Variants in SUPT3H observed in about 807,000 individuals in gnomAD.
SUPT3H encodes the protein transcription initiation protein SPT3 homolog.
Under a neutral mutation model 44.3 loss-of-function variants are expected in SUPT3H, and 44 were observed. The observed-to-expected ratio is 0.99, with a 90% CI of 0.78 to 1.28. The LOEUF is 1.28. Among genes scored for constraint, SUPT3H ranks in the 50% most tolerant of loss-of-function variants. SUPT3H has a pLI of 0.00. For synonymous variants in SUPT3H, 124 were observed against 125.6 expected, an observed-to-expected ratio of 0.99 and a Z score of 0.09; for missense variants, 380 against 387.1, an observed-to-expected ratio of 0.98 and a Z score of 0.15.
intron 2 of SUPT3H, among the ~76,000 whole-genome samples, chr6:45,149,284 T>C (rs1410912080): frequency 6.6e-6 from 1 of 152,172 alleles, no homozygotes; most frequent in East Asian, 1.9e-4. Flanking sequence ...TGCCAACTTG[T>C]AGCTATCTAT....
At chr6:45,025,315 T>G (rs1236518929) in intron 3 of SUPT3H, among the ~76,000 whole-genome samples, 3 of 152,290 alleles carry the variant, frequency 2.0e-5, no homozygotes, top group African/African-American at 7.2e-5. Context: ...CATAATAGCT[T>G]AATTGCACTT....
chr6:45,300,199 T>C (rs1238222095), intron 2 of SUPT3H, among the ~76,000 whole-genome samples: 1 of 152,240 alleles, frequency 6.6e-6, no homozygotes, highest in Non-Finnish European at 1.5e-5. Context: ...ATTTTCTTTC[T>C]ATGCAAGTCT....
intron 2 of SUPT3H, among the ~76,000 whole-genome samples, chr6:45,342,327 T>C (rs1789961113): frequency 6.6e-6 from 1 of 152,058 alleles, no homozygotes; most frequent in Admixed American, 6.6e-5. Context: ...AGTGGCACAA[T>C]CTCAGCTCAC....
chr6:44,920,741 C>G (rs1191995548), intron 10 of SUPT3H, among the ~76,000 whole-genome samples: 1 of 152,078 alleles, frequency 6.6e-6, no homozygotes, highest in East Asian at 1.9e-4. Flanking sequence ...ATTAAAAGTC[C>G]TTCTCAAAAT....
chr6:45,149,234 A>T (rs1414989954), intron 2 of SUPT3H, among the ~76,000 whole-genome samples: 2 of 152,164 alleles, frequency 1.3e-5, no homozygotes, highest in South Asian at 2.1e-4. Context: ...GTGGAAATGA[A>T]CTGTCACTGT....
intron 6 of SUPT3H, among the ~76,000 whole-genome samples, chr6:44,972,917 C>T (rs144624882): frequency 6.6e-5 from 10 of 152,288 alleles, no homozygotes; most frequent in Non-Finnish European, 1.3e-4. Flanking sequence ...TTTCCTCCTA[C>T]GCCTCTGGGC....
intron 2 of SUPT3H, among the ~76,000 whole-genome samples, chr6:45,141,555 C>T (rs903194266): frequency 7.3e-5 from 11 of 151,244 alleles, no homozygotes; most frequent in African/African-American, 2.4e-4. Context: ...TAGAGAAACA[C>T]AAAATCTACT....
At chr6:45,261,271 A>G (rs990301075) in intron 2 of SUPT3H, among the ~76,000 whole-genome samples, 2 of 152,138 alleles carry the variant, frequency 1.3e-5, no homozygotes, top group South Asian at 4.1e-4. Context: ...CACAACAAAA[A>G]AAGAAAACTT....
intron 6 of SUPT3H, among the ~76,000 whole-genome samples, chr6:44,987,840 T>C (rs968442852): frequency 6.6e-6 from 1 of 152,072 alleles, no homozygotes; most frequent in Non-Finnish European, 1.5e-5. Flanking sequence ...ATCTGGAGAA[T>C]GAGTGAACTA....
intron 2 of SUPT3H, among the ~76,000 whole-genome samples, chr6:45,289,296 C>T (rs182728801): frequency 1.3e-5 from 2 of 151,810 alleles, no homozygotes; most frequent in East Asian, 1.9e-4. Flanking sequence ...AAAAAAGAAC[C>T]GTAAGAAGAG....
rs1455155853 is a variant in SUPT3H, at chr6:45,371,744, A to G, written c.-1+6024T>C. On this transcript the variant is annotated intron_variant, in intron 1 of 10. Transcript: ENST00000371459. ...CACTCAGTTAAGAAATTCTTTGTTT[A>G]AAAGAAAATCTTAGGTAGATGGATA... 1.4e-5 allele frequency: 10 copies of G among 714,880 alleles called. No homozygotes were observed. In the South Asian group the frequency reaches 3.2e-4, roughly 23 times the overall value. 44.3% of individuals were successfully genotyped at this position (714,880 alleles called of 1,614,324 possible). A position where few individuals can be genotyped will look rare whatever the true frequency, so the allele number is the denominator to read the frequency against.
chr6:45,072,122 C>T (rs1211660563), intron 3 of SUPT3H, among the ~76,000 whole-genome samples: 2 of 152,146 alleles, frequency 1.3e-5, no homozygotes, highest in African/African-American at 2.4e-5. Context: ...ATATTATCCC[C>T]ACTTTACAAT....
At chr6:45,333,728 G>A (rs765482130) in intron 2 of SUPT3H, among the ~76,000 whole-genome samples, 101 of 151,130 alleles carry the variant, frequency 6.7e-4, no homozygotes, top group Admixed American at 2.6e-3. Flanking sequence ...GGCCTTTAAA[G>A]GCTAGTTGCT....
At chr6:45,303,008 T>C (rs986310323) in intron 2 of SUPT3H, among the ~76,000 whole-genome samples, 5 of 151,892 alleles carry the variant, frequency 3.3e-5, no homozygotes, top group Non-Finnish European at 2.9e-5. Flanking sequence ...AAACGAAACA[T>C]AAAGCGGGGA....
Position 45,253,848 on chromosome 6 carries a change from CATATATATAT to C in SUPT3H, c.101+111343_101+111352del, listed in dbSNP as rs34256293. On this transcript the variant is annotated intron_variant, in intron 2 of 10. Transcript: ENST00000371459. ...AAAAATACACACGTACACATATACG[CATATATATAT>C]ATATATATATATATACACACACACA... 3.2e-4 allele frequency among the ~76,000 whole-genome samples: 28 copies of C among 88,764 alleles called. 1 individual carries two copies. Among genetic ancestry groups the C allele is most frequent in the East Asian group, 2.4e-3 (5 of 2,124 alleles). The allele number at this position is 88,764 out of a possible 152,430, so 58.2% of individuals were successfully genotyped here. A position where few individuals can be genotyped will look rare whatever the true frequency, so the allele number is the denominator to read the frequency against.
chr6:44,910,389 G>A (rs1766823106), intron 10 of SUPT3H, among the ~76,000 whole-genome samples: 1 of 152,008 alleles, frequency 6.6e-6, no homozygotes, highest in Non-Finnish European at 1.5e-5. Flanking sequence ...TTTTATTTCA[G>A]AATTAATAAC....
chr6:45,365,196 C>T lies in SUPT3H; in HGVS notation c.101+5G>A. The T allele has an allele frequency of 6.3e-7, 1 of 1,579,532 alleles. No individual in the cohort carries two copies. The highest frequency in any genetic ancestry group is 1.1e-5 in the South Asian group (1 of 87,768). On this transcript the variant is annotated splice_donor_5th_base_variant and intron_variant, in intron 2 of 10. Coordinates refer to ENST00000371459, the MANE Select transcript of SUPT3H (RefSeq NM_003599.4). ...AATAGCAATAGCATGCAGGGACATA[C>T]TTACATCATACTCTGTAATTCTGTT... is the stretch of plus-strand genomic sequence containing the variant.
chr6:45,134,296 C>T (rs1364510086), intron 2 of SUPT3H, among the ~76,000 whole-genome samples: 2 of 152,162 alleles, frequency 1.3e-5, no homozygotes, highest in Non-Finnish European at 2.9e-5. Flanking sequence ...GGAGACAAAG[C>T]CCTCATGAAC....
Position 45,172,259 on chromosome 6 carries a change from G to T in SUPT3H, c.102-66253C>A, listed in dbSNP as rs571107243. Among the ~76,000 whole-genome samples, 320 of 151,670 alleles carry T rather than the reference G, an allele frequency of 2.1e-3. 1 individual carries two copies. Among genetic ancestry groups the T allele is most frequent in the African/African-American group, 7.4e-3 (306 of 41,332 alleles). On this transcript the variant is annotated intron_variant, in intron 2 of 10. Transcript: ENST00000371459. ...AGCTAATTTTTGTACTTTTAGTAGA[G>T]ATGGGGTTTCACCATGTTGGCCAGA...
Sources: gnomAD v4.1 joint callset for allele counts (sites outside exome capture counted in the v4.1 genomes callset) on GRCh38, gnomAD v4.1.1 for gene constraint, MANE v1.5 for transcripts, NCBI Gene and HGNC (gene_info 2026-07-23, HGNC 2026-07-21) for gene names.